Variants in ROBO1 observed in about 807,000 individuals in gnomAD.
ROBO1 encodes roundabout guidance receptor 1, also known as roundabout homolog 1.
A neutral mutation model predicts 195.9 loss-of-function variants in ROBO1; 149 were observed. The observed-to-expected ratio is 0.76, with a 90% CI of 0.67 to 0.87. The LOEUF is 0.87. ROBO1 is among the 40% of genes least tolerant of loss of function. ROBO1 has a pLI of 0.00. For missense variants in ROBO1, 1,933 were observed against 2,068.3 expected, an observed-to-expected ratio of 0.93 and a Z score of 1.27; for synonymous variants, 816 against 733.2, an observed-to-expected ratio of 1.11 and a Z score of -1.82.
At chr3:78,651,609 A>G (rs1706663515) in intron 19 of ROBO1, 123 bp downstream of exon 19, 2 of 702,404 alleles carry the variant, frequency 2.8e-6, no homozygotes, top group Non-Finnish European at 4.4e-6. Flanking sequence ...CGCACTTTTG[A>G]AAATCTTTAT....
intron 3 of ROBO1, among the ~76,000 whole-genome samples, chr3:78,957,275 C>T (rs1186411713): frequency 6.8e-6 from 1 of 147,928 alleles, no homozygotes; most frequent in African/African-American, 2.5e-5. Context: ...ACCAGGTCTG[C>T]ACTAGATGCT....
rs149432206 is a variant in ROBO1, at chr3:79,622,051, C to A, written c.-50-32090G>T. Among the ~76,000 whole-genome samples, 587 of 152,210 alleles carry A rather than the reference C, an allele frequency of 3.9e-3. 4 individuals are homozygous for A. The highest frequency in any genetic ancestry group is 5.8e-3 in the Non-Finnish European group (396 of 68,012). Reference sequence around the variant, plus strand: ...GAACTGACTAGGAGCCTGGCATGACCCACAGAGAGAAGGAAGAACAGTGTG... The same window carrying A: ...GAACTGACTAGGAGCCTGGCATGACACACAGAGAGAAGGAAGAACAGTGTG... On this transcript the variant is annotated intron_variant, in intron 1 of 30. Transcript: ENST00000464233.
chr3:79,219,751 C>A (rs933005519), intron 2 of ROBO1, among the ~76,000 whole-genome samples: 1 of 152,034 alleles, frequency 6.6e-6, no homozygotes, highest in Non-Finnish European at 1.5e-5. Flanking sequence ...CGGCCACTGT[C>A]CACATTGTCA....
intron 4 of ROBO1, among the ~76,000 whole-genome samples, chr3:78,911,963 CAA>C (rs1039988140): frequency 2.0e-5 from 3 of 151,818 alleles, no homozygotes; most frequent in South Asian, 2.1e-4. Context: ...GTAGTTTAAA[CAA>C]GAGAGAAGAA....
intron 2 of ROBO1, among the ~76,000 whole-genome samples, chr3:79,378,551 T>C (rs1223987618): frequency 6.6e-6 from 1 of 152,210 alleles, no homozygotes; most frequent in Admixed American, 6.5e-5. Flanking sequence ...CAAGAGTTTA[T>C]TAAATTTTAC....
At chr3:78,810,431 A>T (rs1289967710) in intron 4 of ROBO1, among the ~76,000 whole-genome samples, 1 of 152,164 alleles carries the variant, frequency 6.6e-6, no homozygotes, top group Admixed American at 6.6e-5. Flanking sequence ...TTGAAAAAAA[A>T]TTCTCTTAGA....
At chr3:79,681,536 G>A (rs893474972) in intron 1 of ROBO1, among the ~76,000 whole-genome samples, 2 of 151,956 alleles carry the variant, frequency 1.3e-5, no homozygotes, top group African/African-American at 4.8e-5. Flanking sequence ...AATGTAAAGT[G>A]TGAAAAATAT....
chr3:78,788,373 C>T lies in ROBO1; in HGVS notation c.500-41473G>A, dbSNP rs546178992. 2.7e-5 allele frequency among the ~76,000 whole-genome samples: 4 copies of T among 148,096 alleles called. No homozygotes were observed. In the South Asian group the frequency reaches 8.5e-4, roughly 31 times the overall value. ...GACCTCGTGATCCACCCGCCTCGGC[C>T]TCCCAAAGTGCTGGGATTACAGGTA... is the stretch of plus-strand genomic sequence containing the variant. On this transcript the variant is annotated intron_variant, in intron 4 of 30. Transcript: ENST00000464233.
At position 79,589,893 on chromosome 3, in the gene ROBO1, G is replaced by C; in HGVS notation, c.19C>G (p.Pro7Ala). Residue 7 changes from proline (P) to alanine (A), a missense_variant, in exon 2 of 31, where the codon CCT becomes GCT. Coordinates refer to ENST00000464233, the MANE Select transcript of ROBO1 (RefSeq NM_002941.4). ...AGGAGTGATATCATGACCAAAAAAG[G>C]AACATGTTTCCATTTCATCTTTGTC... MKWKHV[P>A]FLVMISLLSL... 1 of 1,610,584 alleles carries C rather than the reference G, an allele frequency of 6.2e-7. No homozygotes were observed. The highest frequency in any genetic ancestry group is 8.5e-7 in the Non-Finnish European group (1 of 1,177,610).
chr3:79,113,941 T>A (rs746851010), intron 3 of ROBO1, among the ~76,000 whole-genome samples: 41 of 152,154 alleles, frequency 2.7e-4, no homozygotes, highest in African/African-American at 7.5e-4. Flanking sequence ...ATTGCAATAA[T>A]CCGCATGTGT....
chr3:79,687,776 C>T (rs543332974), intron 1 of ROBO1, among the ~76,000 whole-genome samples: 60 of 152,086 alleles, frequency 3.9e-4, no homozygotes, highest in Non-Finnish European at 7.5e-4. Context: ...CTGGTGGGAC[C>T]GTAAACTAGT....
chr3:79,111,563 GC>G (rs1327675861), intron 3 of ROBO1, among the ~76,000 whole-genome samples: 1 of 152,042 alleles, frequency 6.6e-6, no homozygotes, highest in African/African-American at 2.4e-5. Context: ...TACCTTTAGA[GC>G]AAAGATCATA....
intron 4 of ROBO1, among the ~76,000 whole-genome samples, chr3:78,915,842 G>C (rs1290572279): frequency 6.6e-6 from 1 of 152,094 alleles, no homozygotes; most frequent in African/African-American, 2.4e-5. Flanking sequence ...AATGTTTATA[G>C]AGATGAGGTC....
chr3:78,982,437 A>C (rs563434145), intron 3 of ROBO1, among the ~76,000 whole-genome samples: 25 of 152,288 alleles, frequency 1.6e-4, no homozygotes, highest in African/African-American at 5.8e-4. Flanking sequence ...TCAAATAATG[A>C]GCATTTTTGC....
chr3:78,613,260 T>G (rs1010186451), intron 28 of ROBO1, among the ~76,000 whole-genome samples: 1 of 152,190 alleles, frequency 6.6e-6, no homozygotes, highest in Non-Finnish European at 1.5e-5. Context: ...AATTTAGATG[T>G]GTTTACATCC....
rs550773579 is a variant in ROBO1, at chr3:78,598,585, C to A, written c.*328G>T. ...TAAGCAGTGCAATGCCATATCTCAG[C>A]GGCAAAATGCAAAAGAACAGTTTTG... is the stretch of plus-strand genomic sequence containing the variant. On this transcript the variant is annotated 3_prime_UTR_variant, in exon 31 of 31. Transcript: ENST00000464233. The A allele has an allele frequency of 5.9e-5, 13 of 220,748 alleles. No individual in the cohort carries two copies. Among genetic ancestry groups the A allele is most frequent in the African/African-American group, 2.9e-4 (13 of 44,132 alleles). 13.7% of individuals were successfully genotyped at this position (220,748 alleles called of 1,614,324 possible).
intron 2 of ROBO1, among the ~76,000 whole-genome samples, chr3:79,194,751 A>G (rs748451202): frequency 5.9e-5 from 9 of 151,666 alleles, no homozygotes; most frequent in Non-Finnish European, 1.0e-4. Context: ...AGATCATCTT[A>G]TTCTTTACAG....
chr3:79,486,489 C>T (rs1939167627), intron 2 of ROBO1, among the ~76,000 whole-genome samples: 1 of 152,118 alleles, frequency 6.6e-6, no homozygotes, highest in Admixed American at 6.5e-5. Flanking sequence ...TATTTTCTGA[C>T]TGTGAACTAC....
chr3:78,800,078 T>A (rs1225530385), intron 4 of ROBO1, among the ~76,000 whole-genome samples: 1 of 152,198 alleles, frequency 6.6e-6, no homozygotes, highest in Non-Finnish European at 1.5e-5. Flanking sequence ...ACAGTAAAAA[T>A]GTGCTGCTCA....
Sources: allele counts gnomAD v4.1 joint callset (sites outside exome capture counted in the v4.1 genomes callset), GRCh38; gene constraint gnomAD v4.1.1; transcripts MANE v1.5; gene names NCBI Gene and HGNC (gene_info 2026-07-23, HGNC 2026-07-21).